Variants in ASPRV1 observed in about 807,000 individuals in gnomAD.
ASPRV1 encodes the protein aspartic peptidase retroviral like 1, also known as retroviral-like aspartic protease 1.
ASPRV1 carries 7 observed loss-of-function variants against 11.0 expected under a neutral mutation model. That is an observed-to-expected ratio of 0.64 (90% CI 0.36 to 1.20). ASPRV1 has a LOEUF of 1.20. ASPRV1 is among the 50% of genes most tolerant of loss of function. The pLI is 0.02. For missense variants in ASPRV1, 299 were observed against 320.0 expected (o/e 0.93, Z 0.50); for synonymous variants, 136 against 138.4 (o/e 0.98, Z 0.12).
the ASPRV1 span, among the ~76,000 whole-genome samples, chr2:70,024,701 C>G: frequency 6.6e-6 from 1 of 152,118 alleles, no homozygotes; most frequent in Non-Finnish European, 1.5e-5. Context: ...AGTTGTAGCT[C>G]CAGGTGTGAC....
chr2:70,076,294 C>T, the ASPRV1 span, among the ~76,000 whole-genome samples: 2 of 152,292 alleles, frequency 1.3e-5, no homozygotes, highest in Non-Finnish European at 2.9e-5. Flanking sequence ...AGTTTGACTG[C>T]CTGGGTGCAA....
the ASPRV1 span, among the ~76,000 whole-genome samples, chr2:69,934,409 C>T: frequency 6.6e-6 from 1 of 152,230 alleles, no homozygotes; most frequent in South Asian, 2.1e-4. Flanking sequence ...GAGCAACTCT[C>T]GTGCTCTCTC....
chr2:69,951,108 G>C, the ASPRV1 span, among the ~76,000 whole-genome samples: 1 of 151,916 alleles, frequency 6.6e-6, no homozygotes, highest in African/African-American at 2.4e-5. Flanking sequence ...TGGGTTCAAG[G>C]TTCTTATATA....
chr2:70,042,424 C>A, the ASPRV1 span, among the ~76,000 whole-genome samples: 2 of 152,044 alleles, frequency 1.3e-5, no homozygotes, highest in African/African-American at 4.8e-5. Flanking sequence ...GTGACCTGGC[C>A]AGGGAAAGTG....
chr2:70,034,573 A>C, the ASPRV1 span, among the ~76,000 whole-genome samples: 1 of 150,820 alleles, frequency 6.6e-6, no homozygotes, highest in East Asian at 1.9e-4. Context: ...TTTGTCTCAA[A>C]AAAAAAAAAA....
the ASPRV1 span, among the ~76,000 whole-genome samples, chr2:69,951,878 A>C: frequency 6.6e-6 from 1 of 152,124 alleles, no homozygotes; most frequent in African/African-American, 2.4e-5. Context: ...TTTAGAATGA[A>C]TATTTCCAAC....
the ASPRV1 span, among the ~76,000 whole-genome samples, chr2:70,044,777 TC>T: frequency 6.6e-6 from 1 of 152,130 alleles, no homozygotes; most frequent in Non-Finnish European, 1.5e-5. Flanking sequence ...TCTTATTTAC[TC>T]AGTAATCATT....
At chr2:69,948,953 C>T in the ASPRV1 span, among the ~76,000 whole-genome samples, 1 of 151,932 alleles carries the variant, frequency 6.6e-6, no homozygotes, top group Non-Finnish European at 1.5e-5. Flanking sequence ...CCTGGCCGCT[C>T]CCCCCGGCAC....
the ASPRV1 span, among the ~76,000 whole-genome samples, chr2:69,943,141 C>T: frequency 6.6e-6 from 1 of 152,240 alleles, no homozygotes; most frequent in East Asian, 1.9e-4. Context: ...CAGAATTAGC[C>T]ACAGTCCCAC....
At chr2:69,975,951 G>C in the ASPRV1 span, 5 of 152,536 alleles carry the variant, frequency 3.3e-5, no homozygotes, top group African/African-American at 4.8e-5. Context: ...AAAAGTCATG[G>C]GAAGTTGCTA....
the ASPRV1 span, among the ~76,000 whole-genome samples, chr2:70,039,779 T>TA: frequency 2.4e-4 from 36 of 152,316 alleles, no homozygotes; most frequent in Non-Finnish European, 4.0e-4. Context: ...CCATTTTACT[T>TA]AGAGTCTGAA....
the ASPRV1 span, among the ~76,000 whole-genome samples, chr2:70,065,786 T>C: frequency 2.6e-5 from 3 of 113,778 alleles, no homozygotes; most frequent in African/African-American, 3.5e-5. Context: ...ACCACTGCAC[T>C]ACAGCCTGGG....
At chr2:69,935,488 G>A in the ASPRV1 span, 2 of 1,504,146 alleles carry the variant, frequency 1.3e-6, no homozygotes, top group Non-Finnish European at 1.9e-6. Context: ...TTGGGATGCT[G>A]CTTTATCTTT....
the ASPRV1 span, among the ~76,000 whole-genome samples, chr2:70,002,469 A>C: frequency 6.6e-6 from 1 of 152,112 alleles, no homozygotes; most frequent in African/African-American, 2.4e-5. Flanking sequence ...GGCTGGCCCC[A>C]CAGGTGTGGC....
At chr2:70,068,704 C>T in the ASPRV1 span, among the ~76,000 whole-genome samples, 6 of 151,074 alleles carry the variant, frequency 4.0e-5, no homozygotes, top group East Asian at 1.9e-4. Context: ...CCAAGGCGGG[C>T]GGATCACCTG....
At chr2:70,041,631 T>C in the ASPRV1 span, among the ~76,000 whole-genome samples, 1 of 152,230 alleles carries the variant, frequency 6.6e-6, no homozygotes, top group African/African-American at 2.4e-5. Flanking sequence ...GCAGTTAAAC[T>C]TGAGACTGAT....
chr2:70,018,386 A>T, the ASPRV1 span, among the ~76,000 whole-genome samples: 1 of 152,058 alleles, frequency 6.6e-6, no homozygotes, highest in Non-Finnish European at 1.5e-5. Flanking sequence ...TCTCTATCAA[A>T]ATACTAATAA....
chr2:69,952,576 AAAGGG>A, the ASPRV1 span, among the ~76,000 whole-genome samples: 1 of 152,142 alleles, frequency 6.6e-6, no homozygotes, highest in Non-Finnish European at 1.5e-5. Flanking sequence ...AGAAAAAAGA[AAAGGG>A]AAGGGAAGAA....
the ASPRV1 span, among the ~76,000 whole-genome samples, chr2:70,072,354 G>A: frequency 6.6e-6 from 1 of 151,972 alleles, no homozygotes; most frequent in Non-Finnish European, 1.5e-5. Context: ...GGAGTTCAAG[G>A]CTACAGTAAG....
Sources: allele counts gnomAD v4.1 joint callset (sites outside exome capture counted in the v4.1 genomes callset), GRCh38; gene constraint gnomAD v4.1.1; transcripts MANE v1.5; gene names NCBI Gene and HGNC (gene_info 2026-07-23, HGNC 2026-07-21).